ARGFX: variants seen among roughly 807,000 people sequenced by gnomAD.
The protein encoded by ARGFX is arginine-fifty homeobox.
A neutral mutation model predicts 8.0 loss-of-function variants in ARGFX; 10 were observed. The observed-to-expected ratio is 1.25, with a 90% CI of 0.77 to 2.12. The LOEUF (loss-of-function observed/expected upper bound fraction) is 2.12. Ranked by LOEUF, ARGFX falls within the 30% of genes most tolerant of loss-of-function variation. The probability of loss-of-function intolerance (pLI) is 0.00; values close to 1 mark genes in which losing one functional copy is unlikely to be tolerated. For missense variants in ARGFX, 282 were observed against 324.3 expected, an observed-to-expected ratio of 0.87 and a Z score of 1.00; for synonymous variants, 116 against 117.8, an observed-to-expected ratio of 0.98 and a Z score of 0.10.
Position 121,571,853 on chromosome 3 carries a change from G to A in ARGFX, c.103+1037G>A, listed in dbSNP as rs143305969. Among the ~76,000 whole-genome samples the A allele has an allele frequency of 5.6e-3, 843 of 149,906 alleles. 3 individuals are homozygous for A. The highest frequency in any genetic ancestry group is 0.017 in the Middle Eastern group (5 of 292). ...TTTGTTTGTTTGTTTTTGAGATGGA[G>A]TTTCCGCTCTTGTTGCCCAGGCTGG... On this transcript the variant is annotated intron_variant, in intron 2 of 4. Transcript: ENST00000334384.
In ARGFX at chr3:121,589,146, G is replaced by GA. The variant is rs1371407624; in HGVS notation, c.*2546_*2547insA. ...GCTGTGACTGTGCCACTGCACTCCAGCTTGAGCAACACAGTGATACTGTCT... is the reference window on the plus strand; with the variant it reads ...GCTGTGACTGTGCCACTGCACTCCAGACTTGAGCAACACAGTGATACTGTCT... On this transcript the variant is annotated 3_prime_UTR_variant, in exon 5 of 5. Coordinates refer to ENST00000334384, the MANE Select transcript of ARGFX (RefSeq NM_001012659.2). 1.3e-5 allele frequency among the ~76,000 whole-genome samples: 2 copies of GA among 152,106 alleles called. No individual in the cohort carries two copies. Among genetic ancestry groups the GA allele is most frequent in the Non-Finnish European group, 2.9e-5 (2 of 68,022 alleles).
At chr3:121,578,552 T>A (rs997587817) in intron 3 of ARGFX, among the ~76,000 whole-genome samples, 6 of 152,106 alleles carry the variant, frequency 3.9e-5, no homozygotes, top group African/African-American at 1.4e-4. Context: ...GAGATTAGCC[T>A]TAGCAACATA....
At chr3:121,577,259 A>ATATATATATATTTTTT (rs1403064031) in intron 3 of ARGFX, among the ~76,000 whole-genome samples, 2 of 59,620 alleles carry the variant, frequency 3.4e-5, no homozygotes, top group African/African-American at 6.2e-5. Flanking sequence ...ATATATATAT[A>ATATATATATATTTTTT]TTTTTTTTTT....
rs1235601970 is a variant in ARGFX, at chr3:121,590,190, A to T, written c.*3590A>T. On this transcript the variant is annotated 3_prime_UTR_variant, in exon 5 of 5. Coordinates refer to ENST00000334384, the MANE Select transcript of ARGFX (RefSeq NM_001012659.2). ...ATGAAATGGACAAATTCCTAGGAAG[A>T]CACAGAATACCAAATCTGACTCCAC... Among the ~76,000 whole-genome samples the T allele has an allele frequency of 3.3e-5, 5 of 152,364 alleles. No individual in the cohort carries two copies. In the South Asian group the frequency reaches 1.0e-3, roughly 32 times the overall value.
chr3:121,580,606 ATTT>A (rs57666199), intron 3 of ARGFX, among the ~76,000 whole-genome samples: 18 of 115,214 alleles, frequency 1.6e-4, no homozygotes, highest in African/African-American at 3.8e-4. Flanking sequence ...ATATATATAT[ATTT>A]TTTTTTTTTT....
chr3:121,574,296 G>C (rs1221313950), intron 2 of ARGFX, among the ~76,000 whole-genome samples: 1 of 152,148 alleles, frequency 6.6e-6, no homozygotes, highest in African/African-American at 2.4e-5. Context: ...GGACTGGTTG[G>C]GGGGCTGATT....
Position 121,587,260 on chromosome 3 carries a change from C to G in ARGFX, c.*660C>G, listed in dbSNP as rs2048818031. 6.6e-6 allele frequency among the ~76,000 whole-genome samples: 1 copy of G among 152,138 alleles called. No homozygotes were observed. The highest frequency in any genetic ancestry group is 1.5e-5 in the Non-Finnish European group (1 of 68,032). ...AGAGACGGGGTTTCACCACGTTGCC[C>G]AGGCTGGTCTTGAACTCCTGACCTC... On this transcript the variant is annotated 3_prime_UTR_variant, in exon 5 of 5. Transcript: ENST00000334384.
intron 3 of ARGFX, among the ~76,000 whole-genome samples, chr3:121,577,246 TATATATATATATA>T (rs1560120464): frequency 4.5e-4 from 22 of 49,114 alleles, no homozygotes; most frequent in African/African-American, 1.5e-3. Flanking sequence ...TATATATATA[TATATATATATATA>T]TTTTTTTTTT....
At chr3:121,581,905 A>T (rs2048782670) in intron 3 of ARGFX, among the ~76,000 whole-genome samples, 2 of 144,964 alleles carry the variant, frequency 1.4e-5, no homozygotes, top group Admixed American at 6.9e-5. Flanking sequence ...GAGACTCTGT[A>T]AAAAAAAAAA....
At chr3:121,571,827 G>A (rs1443967742) in intron 2 of ARGFX, among the ~76,000 whole-genome samples, 2 of 144,010 alleles carry the variant, frequency 1.4e-5, no homozygotes, top group African/African-American at 5.2e-5. Flanking sequence ...TTAGGGTTTT[G>A]TTTGTTTGTT....
At chr3:121,568,508 T>C (rs2048686951) in intron 1 of ARGFX, among the ~76,000 whole-genome samples, 1 of 152,204 alleles carries the variant, frequency 6.6e-6, no homozygotes, top group Non-Finnish European at 1.5e-5. Context: ...AATCGTTTGC[T>C]TCTTTGTTTC....
intron 2 of ARGFX, among the ~76,000 whole-genome samples, chr3:121,575,956 G>T (rs1314010875): frequency 1.3e-5 from 2 of 151,710 alleles, no homozygotes; most frequent in Non-Finnish European, 2.9e-5. Flanking sequence ...TGAAATAAAT[G>T]TAGGACAAAG....
intron 3 of ARGFX, among the ~76,000 whole-genome samples, chr3:121,584,340 T>C (rs529005263): frequency 9.2e-5 from 14 of 152,062 alleles, no homozygotes; most frequent in Admixed American, 3.9e-4. Context: ...ACTGGATTCC[T>C]GAACAAATAA....
intron 1 of ARGFX, among the ~76,000 whole-genome samples, chr3:121,568,887 G>C (rs567569263): frequency 1.3e-5 from 2 of 152,140 alleles, no homozygotes; most frequent in African/African-American, 4.8e-5. Flanking sequence ...TAGGCCATCT[G>C]TTGTTATTGC....
chr3:121,576,216 T>C (rs2048735008), intron 2 of ARGFX, among the ~76,000 whole-genome samples: 1 of 152,114 alleles, frequency 6.6e-6, no homozygotes, highest in Admixed American at 6.6e-5. Flanking sequence ...ATGCTGAAAT[T>C]ACTGATGTCA....
intron 3 of ARGFX, among the ~76,000 whole-genome samples, chr3:121,583,377 T>TA (rs1166594467): frequency 1.3e-5 from 2 of 152,054 alleles, no homozygotes; most frequent in African/African-American, 2.4e-5. Context: ...CCATTGCCAT[T>TA]AAAAAACTAT....
intron 3 of ARGFX, among the ~76,000 whole-genome samples, chr3:121,577,243 ATATATATATATATATATTTTT>A (rs1560120437): frequency 1.1e-5 from 1 of 88,622 alleles, no homozygotes; most frequent in Non-Finnish European, 2.1e-5. Flanking sequence ...ATATATATAT[ATATATATATATATATATTTTT>A]TTTTTTTTAA....
chr3:121,573,247 G>A (rs541041096), intron 2 of ARGFX, among the ~76,000 whole-genome samples: 49 of 152,298 alleles, frequency 3.2e-4, no homozygotes, highest in African/African-American at 1.1e-3. Flanking sequence ...TTGCAAGGCC[G>A]AGATGCGTGG....
intron 2 of ARGFX, among the ~76,000 whole-genome samples, chr3:121,576,006 C>T (rs2048733766): frequency 6.6e-6 from 1 of 152,082 alleles, no homozygotes. Flanking sequence ...TGTACATAAT[C>T]TGTGAAGTGA....
Sources: gnomAD v4.1 joint callset for allele counts (sites outside exome capture counted in the v4.1 genomes callset) on GRCh38, gnomAD v4.1.1 for gene constraint, MANE v1.5 for transcripts, NCBI Gene and HGNC (gene_info 2026-07-23, HGNC 2026-07-21) for gene names.